The following PARP9 variants were observed in gnomAD, a reference collection of about 807,000 sequenced individuals.
The protein encoded by PARP9 is protein mono-ADP-ribosyltransferase PARP9.
A neutral mutation model predicts 68.8 loss-of-function variants in PARP9; 48 were observed. The ratio of observed to expected loss-of-function variants is 0.70; its 90% CI spans 0.55 to 0.89. PARP9 has a LOEUF of 0.89. Among genes scored for constraint, PARP9 ranks in the 40% least tolerant of loss-of-function variants. The pLI is 0.00. For missense variants in PARP9, 806 were observed against 969.3 expected, an observed-to-expected ratio of 0.83 and a Z score of 2.24; for synonymous variants, 309 against 333.8, an observed-to-expected ratio of 0.93 and a Z score of 0.81.
At chr3:122,546,956 C>A (rs189257219) in intron 6 of PARP9, among the ~76,000 whole-genome samples, 1 of 122,608 alleles carries the variant, frequency 8.2e-6, no homozygotes, top group African/African-American at 3.0e-5. Context: ...CTGACAGACA[C>A]AATACATGGC....
Position 122,555,871 on chromosome 3 carries a change from C to G in PARP9, c.300G>C (p.Val100=). Reference sequence around the variant, plus strand: ...GAAGATCTTCATTGGCTGCATTCACCACAGCATCAACAGCATGTGTGGTGA... The same window carrying G: ...GAAGATCTTCATTGGCTGCATTCACGACAGCATCAACAGCATGTGTGGTGA... The part of the protein sequence containing the change: ...DDLTTHAVDA[V]VNAANEDLLH... The change falls in exon 4 of 11, where the codon GTG becomes GTC. Residue 100 remains valine, a synonymous_variant. Transcript: ENST00000682323. The G allele has an allele frequency of 1.2e-6, 2 of 1,614,078 alleles. No individual in the cohort carries two copies. Among genetic ancestry groups the G allele is most frequent in the Non-Finnish European group, 1.7e-6 (2 of 1,180,018 alleles).
chr3:122,554,712 T>C (rs967539466), intron 4 of PARP9, among the ~76,000 whole-genome samples: 17 of 152,338 alleles, frequency 1.1e-4, no homozygotes, highest in Non-Finnish European at 2.4e-4. Flanking sequence ...CCAGATGGCC[T>C]GGCACTGAAT....
intron 10 of PARP9, chr3:122,533,217 G>A (rs926041364): frequency 5.3e-5 from 8 of 152,182 alleles, no homozygotes; most frequent in East Asian, 1.9e-4. Flanking sequence ...GGGAAAAGGA[G>A]GAATGGAGGA....
intron 10 of PARP9, chr3:122,532,407 C>T (rs2077373420): frequency 4.1e-6 from 4 of 985,244 alleles, no homozygotes; most frequent in Non-Finnish European, 4.8e-6. Context: ...ATGCCTCTCC[C>T]AGCATAGACA....
At chr3:122,536,024 C>T (rs1429483293) in intron 10 of PARP9, 144 bp downstream of exon 10, 1 of 1,537,028 alleles carries the variant, frequency 6.5e-7, no homozygotes, top group Non-Finnish European at 8.8e-7. Context: ...TACTTTGTGA[C>T]CTGGGTCATC....
At position 122,536,485 on chromosome 3, in the gene PARP9, G is replaced by A. The variant is rs1455426637; in HGVS notation, c.1906-143C>T. 2.2e-6 allele frequency: 3 copies of A among 1,375,396 alleles called. No homozygotes were observed. The Admixed American group carries it at 8.6e-5, about 40-fold the overall frequency. The allele number at this position is 1,375,396 out of a possible 1,614,324, so 85.2% of individuals were successfully genotyped here. A position where few individuals can be genotyped will look rare whatever the true frequency, so the allele number is the denominator to read the frequency against. On this transcript the variant is annotated intron_variant, in intron 9 of 10. Coordinates refer to ENST00000682323, the MANE Select transcript of PARP9 (RefSeq NM_001146105.2). ...TCGCTTTTCATAGAAAGTTGCAAAA[G>A]AGTCTCTCCTCCCTCTAATCCTCTC...
chr3:122,555,698 ATC>A lies in PARP9; in HGVS notation c.471_472del (p.Gln157HisfsTer14). Reference sequence around the variant, plus strand: ...CCACCGAGGCCCAACAGCATGGATGATCTGTTTGCAGGGAAGCCTCCCTGCTC... The same window carrying A: ...CCACCGAGGCCCAACAGCATGGATGATGTTTGCAGGGAAGCCTCCCTGCTC... On this transcript the variant is annotated frameshift_variant, in exon 4 of 11. Coordinates refer to ENST00000682323, the MANE Select transcript of PARP9 (RefSeq NM_001146105.2). LOFTEE classifies it high-confidence loss of function. 4 of 1,613,836 alleles carry A rather than the reference ATC, an allele frequency of 2.5e-6. No homozygotes were observed. In the South Asian group the frequency reaches 4.4e-5, roughly 18 times the overall value.
intron 8 of PARP9, among the ~76,000 whole-genome samples, chr3:122,540,191 G>C (rs958990972): frequency 6.6e-6 from 1 of 152,214 alleles, no homozygotes; most frequent in African/African-American, 2.4e-5. Context: ...GCTTGGGCTT[G>C]AGTTTTACCA....
chr3:122,557,249 C>A (rs1414990705), intron 3 of PARP9, among the ~76,000 whole-genome samples: 1 of 152,122 alleles, frequency 6.6e-6, no homozygotes. Context: ...CCTGGCCTAC[C>A]CAACTTCTAT....
chr3:122,539,727 A>AT (rs984131207), intron 8 of PARP9, among the ~76,000 whole-genome samples: 31 of 151,510 alleles, frequency 2.0e-4, no homozygotes, highest in African/African-American at 6.8e-4. Flanking sequence ...TGCCTGGCTA[A>AT]TTTTTTTTGT....
At chr3:122,537,824 T>TTTCC (rs1283446417) in intron 8 of PARP9, among the ~76,000 whole-genome samples, 2 of 152,018 alleles carry the variant, frequency 1.3e-5, no homozygotes, top group Admixed American at 6.6e-5. Context: ...TACTTCCTTC[T>TTTCC]TTCCTTCCTT....
rs759899242 is a variant in PARP9, at chr3:122,558,410, AGAGT to A, written c.49+20_49+23del. ...ATCTGAGCAAAGACTTTCTGAAACA[AGAGT>A]GAGAGCGAGGTAATCCTACCTGATT... On this transcript the variant is annotated intron_variant, in intron 3 of 10. Transcript: ENST00000682323. 9.3e-6 allele frequency: 15 copies of A among 1,614,156 alleles called. No homozygotes were observed. In the South Asian group the frequency reaches 1.6e-4, roughly 18 times the overall value.
chr3:122,564,372 C>G, upstream of PARP9: 1 of 1,547,298 alleles, frequency 6.5e-7, no homozygotes, highest in Non-Finnish European at 8.7e-7. Context: ...GCGGGCCGCG[C>G]CTTTACCGCC....
intron 10 of PARP9, among the ~76,000 whole-genome samples, chr3:122,530,759 A>G (rs2077253803): frequency 6.6e-6 from 1 of 152,146 alleles, no homozygotes; most frequent in African/African-American, 2.4e-5. Context: ...ACGTACTATG[A>G]GTCACACATG....
upstream of PARP9, chr3:122,564,628 G>T: frequency 6.3e-7 from 1 of 1,578,480 alleles, no homozygotes; most frequent in Non-Finnish European, 8.6e-7. Flanking sequence ...GCTTCGGGCG[G>T]CCAGGCTGCG....
chr3:122,532,277 A>T (rs141504318), intron 10 of PARP9: 1 of 985,304 alleles, frequency 1.0e-6, no homozygotes, highest in East Asian at 1.1e-4. Flanking sequence ...AAAGACATAG[A>T]GTGGCCTGTG....
In PARP9 at chr3:122,528,236, A is replaced by T; in HGVS notation, c.*128T>A. 7.9e-7 allele frequency: 1 copy of T among 1,260,196 alleles called. No homozygotes were observed. The highest frequency in any genetic ancestry group is 1.5e-5 in the South Asian group (1 of 67,256). The allele number at this position is 1,260,196 out of a possible 1,614,324, so 78.1% of individuals were successfully genotyped here. ...ATGCTAGTATGTGGCTAGTCCTTTC[A>T]ATAACCCAGTCAGTCCATACAGATA... On this transcript the variant is annotated 3_prime_UTR_variant, in exon 11 of 11. Coordinates refer to ENST00000682323, the MANE Select transcript of PARP9 (RefSeq NM_001146105.2).
chr3:122,536,908 C>T (rs752909140), intron 9 of PARP9, 26 bp downstream of exon 9: 2 of 1,587,820 alleles, frequency 1.3e-6, no homozygotes, highest in South Asian at 2.3e-5. Context: ...CAAAATGAGC[C>T]AAATCTTCCC....
chr3:122,558,906 A>T (rs2079951484), intron 2 of PARP9, among the ~76,000 whole-genome samples: 1 of 152,082 alleles, frequency 6.6e-6, no homozygotes, highest in African/African-American at 2.4e-5. Flanking sequence ...AGATGAGCGG[A>T]GTCTTGCTAT....
Sources: gnomAD v4.1 joint callset for allele counts (sites outside exome capture counted in the v4.1 genomes callset) on GRCh38, gnomAD v4.1.1 for gene constraint, MANE v1.5 for transcripts, NCBI Gene and HGNC (gene_info 2026-07-23, HGNC 2026-07-21) for gene names.